LINGO2: variants seen among roughly 807,000 people sequenced by gnomAD.
LINGO2 encodes leucine-rich repeat and immunoglobulin-like domain-containing nogo receptor-interacting protein 2.
In LINGO2, 14 loss-of-function variants were observed where a neutral mutation model predicts 30.6. The observed-to-expected ratio is 0.46, with a 90% CI of 0.30 to 0.72. The LOEUF (loss-of-function observed/expected upper bound fraction) is 0.72, where lower values mean the gene tolerates loss of function less well. LINGO2 is among the 30% of genes least tolerant of loss of function. The pLI, the probability that LINGO2 is intolerant of heterozygous loss-of-function variation, is 0.07. For synonymous variants in LINGO2, 317 were observed against 288.5 expected (o/e 1.10, Z -1.00); for missense variants, 729 against 751.7 (o/e 0.97, Z 0.35).
At chr9:28,407,689 G>A (rs998291120) in intron 2 of LINGO2, among the ~76,000 whole-genome samples, 9 of 152,144 alleles carry the variant, frequency 5.9e-5, no homozygotes, top group South Asian at 2.1e-4. Context: ...TTGAAAAAGC[G>A]GGGAGAAGGA....
At chr9:28,772,488 T>A in the LINGO2 span, among the ~76,000 whole-genome samples, 1 of 152,212 alleles carries the variant, frequency 6.6e-6, no homozygotes, top group African/African-American at 2.4e-5. Flanking sequence ...CACACACGAA[T>A]AACCAGTAAA....
chr9:28,695,551 T>C, the LINGO2 span, among the ~76,000 whole-genome samples: 1 of 151,838 alleles, frequency 6.6e-6, no homozygotes, highest in African/African-American at 2.4e-5. Context: ...AGACAAACAA[T>C]GAAGTGATGG....
At chr9:28,235,395 A>G (rs1391234523) in intron 4 of LINGO2, among the ~76,000 whole-genome samples, 1 of 152,198 alleles carries the variant, frequency 6.6e-6, no homozygotes, top group Non-Finnish European at 1.5e-5. Context: ...CAGACTATAA[A>G]GACTATAGTA....
the LINGO2 span, among the ~76,000 whole-genome samples, chr9:28,827,754 A>G: frequency 2.0e-5 from 3 of 152,144 alleles, no homozygotes; most frequent in African/African-American, 7.2e-5. Flanking sequence ...GTTCTGCAGC[A>G]AAAGATATTT....
At chr9:28,327,568 A>C (rs1825274540) in intron 3 of LINGO2, among the ~76,000 whole-genome samples, 2 of 152,176 alleles carry the variant, frequency 1.3e-5, no homozygotes, top group Non-Finnish European at 2.9e-5. Flanking sequence ...TAATTACCAT[A>C]GGCCATATTC....
chr9:29,025,359 C>T, the LINGO2 span, among the ~76,000 whole-genome samples: 2 of 151,922 alleles, frequency 1.3e-5, no homozygotes, highest in Admixed American at 6.6e-5. Context: ...TTAAGTATTA[C>T]AGTGAGAACT....
the LINGO2 span, among the ~76,000 whole-genome samples, chr9:29,112,938 AC>A: frequency 2.0e-5 from 3 of 152,172 alleles, no homozygotes; most frequent in Non-Finnish European, 4.4e-5. Flanking sequence ...ATCATCCCAA[AC>A]CCCACTCTCA....
At chr9:28,117,715 A>G (rs1329518669) in intron 4 of LINGO2, among the ~76,000 whole-genome samples, 2 of 142,674 alleles carry the variant, frequency 1.4e-5, no homozygotes, top group African/African-American at 2.6e-5. Context: ...CGGAAAGGGA[A>G]CTCCCTGACC....
the LINGO2 span, among the ~76,000 whole-genome samples, chr9:28,708,529 C>A: frequency 6.6e-6 from 1 of 152,086 alleles, no homozygotes; most frequent in Non-Finnish European, 1.5e-5. Flanking sequence ...AAATGCTTAT[C>A]TTTGTCTGGG....
At chr9:28,552,018 G>A (rs374018795) in intron 1 of LINGO2, among the ~76,000 whole-genome samples, 1 of 151,770 alleles carries the variant, frequency 6.6e-6, no homozygotes. Context: ...AAATTGTGTG[G>A]TTTTGTTGCC....
chr9:29,041,263 T>A, the LINGO2 span, among the ~76,000 whole-genome samples: 1 of 152,056 alleles, frequency 6.6e-6, no homozygotes, highest in African/African-American at 2.4e-5. Context: ...TTCCCCAAAT[T>A]GATTTATAGT....
At chr9:28,397,543 CTTTTT>C (rs386414751) in intron 2 of LINGO2, among the ~76,000 whole-genome samples, 1 of 110,004 alleles carries the variant, frequency 9.1e-6, no homozygotes, top group African/African-American at 3.6e-5. Flanking sequence ...CAATAGATGT[CTTTTT>C]TTTTTTTTTT....
the LINGO2 span, among the ~76,000 whole-genome samples, chr9:29,033,631 C>A: frequency 6.6e-6 from 1 of 151,332 alleles, no homozygotes; most frequent in Admixed American, 6.6e-5. Flanking sequence ...ATGATTGCAT[C>A]TTCATATATA....
chr9:28,830,276 G>A, the LINGO2 span, among the ~76,000 whole-genome samples: 13 of 152,238 alleles, frequency 8.5e-5, no homozygotes, highest in East Asian at 9.7e-4. Flanking sequence ...AGTTCATTCC[G>A]GCAATGAGGA....
the LINGO2 span, among the ~76,000 whole-genome samples, chr9:28,845,113 T>A: frequency 6.6e-6 from 1 of 151,868 alleles, no homozygotes; most frequent in Non-Finnish European, 1.5e-5. Context: ...TGCATTACAC[T>A]TCTTTAATGC....
the LINGO2 span, among the ~76,000 whole-genome samples, chr9:29,070,420 G>T: frequency 6.6e-6 from 1 of 152,082 alleles, no homozygotes; most frequent in Non-Finnish European, 1.5e-5. Flanking sequence ...TTGACCTCGG[G>T]ACTTCCCGTC....
At chr9:28,629,019 A>G (rs1826813369) in intron 1 of LINGO2, among the ~76,000 whole-genome samples, 1 of 152,118 alleles carries the variant, frequency 6.6e-6, no homozygotes, top group African/African-American at 2.4e-5. Context: ...CATTTATTGA[A>G]CATTTATTAT....
chr9:28,105,966 G>A (rs886094818), intron 4 of LINGO2, among the ~76,000 whole-genome samples: 1 of 152,090 alleles, frequency 6.6e-6, no homozygotes, highest in African/African-American at 2.4e-5. Flanking sequence ...CTGCACAGTA[G>A]GAAGTGAGGG....
At chr9:28,761,308 C>T in the LINGO2 span, among the ~76,000 whole-genome samples, 1 of 151,730 alleles carries the variant, frequency 6.6e-6, no homozygotes, top group Non-Finnish European at 1.5e-5. Flanking sequence ...TCCAGTGACC[C>T]AATACAGATA....
Sources: allele counts gnomAD v4.1 joint callset (sites outside exome capture counted in the v4.1 genomes callset), GRCh38; gene constraint gnomAD v4.1.1; transcripts MANE v1.5; gene names NCBI Gene and HGNC (gene_info 2026-07-23, HGNC 2026-07-21).